ZBTB18: variants seen among roughly 807,000 people sequenced by gnomAD.
ZBTB18 encodes zinc finger and BTB domain-containing protein 18.
A neutral mutation model predicts 37.7 loss-of-function variants in ZBTB18; 2 were observed. That is an observed-to-expected ratio of 0.05 (90% CI 0.02 to 0.17). ZBTB18 has a LOEUF of 0.17. Among genes scored for constraint, ZBTB18 ranks in the 10% least tolerant of loss-of-function variants. The pLI is 1.00. For missense variants in ZBTB18, 408 were observed against 686.3 expected (o/e 0.59, Z 4.53); for synonymous variants, 304 against 276.5 (o/e 1.10, Z -0.99).
rs1698434482 is a variant in ZBTB18, at chr1:244,055,070, C to T, written c.1296C>T (p.Tyr432=). Residue 432 remains tyrosine (Y), a synonymous_variant, in exon 2 of 2, where the codon TAC becomes TAT. Coordinates refer to ENST00000358704, the MANE Select transcript of ZBTB18 (RefSeq NM_205768.3). The surrounding 1 kb of genome is among the most constrained non-coding windows in gnomAD (Gnocchi z 7.0). ...SLCGKTFSCM[Y]TLKRHERTHS... Reference sequence around the variant, plus strand: ...GTGGGAAGACTTTCTCTTGCATGTACACCCTCAAGCGCCACGAGAGGACTC... The same window carrying T: ...GTGGGAAGACTTTCTCTTGCATGTATACCCTCAAGCGCCACGAGAGGACTC... 3 of 1,614,212 alleles carry T rather than the reference C, an allele frequency of 1.9e-6. No individual in the cohort carries two copies. Among genetic ancestry groups the T allele is most frequent in the East Asian group, 4.5e-5 (2 of 44,882 alleles).
At chr1:244,051,814 A>T (rs1558148154) in intron 1 of ZBTB18, among the ~76,000 whole-genome samples, 2 of 152,178 alleles carry the variant, frequency 1.3e-5, no homozygotes, top group African/African-American at 4.8e-5. Context: ...ATTCAAACTT[A>T]TATGAGAAGA....
upstream of ZBTB18, among the ~76,000 whole-genome samples, chr1:244,048,637 C>G (rs1284385589): frequency 7.4e-6 from 1 of 135,654 alleles, no homozygotes; most frequent in African/African-American, 2.6e-5. Context: ...CGCCCCCCCC[C>G]CGCCCCCGCC....
At chr1:244,049,662 C>T (rs1287873955), upstream of ZBTB18, among the ~76,000 whole-genome samples, 5 of 152,224 alleles carry the variant, frequency 3.3e-5, no homozygotes, top group Admixed American at 1.3e-4. Flanking sequence ...CGGCTCTGCG[C>T]CCTCCACCTC....
rs372007689 is a variant in ZBTB18, at chr1:244,054,214, C to G, written c.440C>G (p.Ser147Trp). 7 of 1,613,996 alleles carry G rather than the reference C, an allele frequency of 4.3e-6. No individual in the cohort carries two copies. The highest frequency in any genetic ancestry group is 5.1e-6 in the Non-Finnish European group (6 of 1,180,028). Residue 147 changes from serine (S) to tryptophan (W), a missense_variant, in exon 2 of 2, where the codon TCG (serine) becomes TGG (tryptophan). This residue lies in a region of ZBTB18 where 95 missense variants were observed against 218.7 expected (regional missense o/e 0.43). Transcript: ENST00000358704. This position sits in a 1 kb window ranked among gnomAD's most constrained non-coding sequence, Gnocchi z 9.0. ...AAGGAAGAAGATGCTTCAAGTTGTT[C>G]GGACAAAGTCGAGAGTCTCTCCGAT... ...TKKEEDASSC[S>W]DKVESLSDGS...
chr1:244,051,149 A>T, upstream of ZBTB18: 1 of 360,908 alleles, frequency 2.8e-6, no homozygotes, highest in Middle Eastern at 6.6e-4. Flanking sequence ...AGCTGGTGGC[A>T]GGAGTGTAGA....
chr1:244,055,348 G>T lies in ZBTB18; in HGVS notation c.1574G>T (p.Ser525Ile). The T allele has an allele frequency of 6.5e-7, 1 of 1,538,864 alleles. No individual in the cohort carries two copies. The highest frequency in any genetic ancestry group is 8.8e-7 in the Non-Finnish European group (1 of 1,140,388). The change falls in exon 2 of 2, where the codon AGC (serine) becomes ATC (isoleucine). Residue 525 changes from serine to isoleucine, a missense_variant. Physicochemically the swap from Ser to Ile is moderately radical, Grantham distance 142. Coordinates refer to ENST00000358704, the MANE Select transcript of ZBTB18 (RefSeq NM_205768.3). This position sits in a 1 kb window ranked among gnomAD's most constrained non-coding sequence, Gnocchi z 7.0. ...PTVRDWTLEDSSQELWK is the reference protein window; with the variant it reads ...PTVRDWTLEDISQELWK ...GTCAGAGACTGGACCTTAGAAGATAGCTCTCAAGAACTTTGGAAATAATTT... is the reference window on the plus strand; with the variant it reads ...GTCAGAGACTGGACCTTAGAAGATATCTCTCAAGAACTTTGGAAATAATTT...
chr1:244,048,805 CGGGA>C (rs1698287176), upstream of ZBTB18: 1 of 59,570 alleles, frequency 1.7e-5, no homozygotes, highest in Non-Finnish European at 3.8e-5. Context: ...CGGGGGTGGG[CGGGA>C]GGGAGGGGCG....
At position 244,051,403 on chromosome 1, in the gene ZBTB18, G is replaced by A; in HGVS notation, c.-29G>A. On this transcript the variant is annotated 5_prime_UTR_variant, in exon 1 of 2. Coordinates refer to ENST00000358704, the MANE Select transcript of ZBTB18 (RefSeq NM_205768.3). ...GATGTAACAGACCTGGAGCCAGCAG[G>A]ACTCAGAGGAAAGGACTTAATCAGG... 1 of 1,613,946 alleles carries A rather than the reference G, an allele frequency of 6.2e-7. No individual in the cohort carries two copies. The highest frequency in any genetic ancestry group is 2.2e-5 in the East Asian group (1 of 44,886).
rs1698449007 is a variant in ZBTB18, at chr1:244,055,595, A to G, written c.*225A>G. ...AGAGAGGTGTTTTTCCTTTGAGGGG[A>G]TAGGGGAAGTAAGCCAATAAGAACC... On this transcript the variant is annotated 3_prime_UTR_variant, in exon 2 of 2. Transcript: ENST00000358704. This position sits in a 1 kb window ranked among gnomAD's most constrained non-coding sequence, Gnocchi z 7.0. 5.9e-6 allele frequency: 1 copy of G among 169,526 alleles called. No homozygotes were observed. Among genetic ancestry groups the G allele is most frequent in the Non-Finnish European group, 1.4e-5 (1 of 70,360 alleles). 10.5% of individuals were successfully genotyped at this position (169,526 alleles called of 1,614,324 possible).
Position 244,055,373 on chromosome 1 carries a change from T to A in ZBTB18, c.*3T>A, listed in dbSNP as rs757030500. Reference sequence around the variant, plus strand: ...GCTCTCAAGAACTTTGGAAATAATTTTATATATATATAAATAATATATATA... The same window carrying A: ...GCTCTCAAGAACTTTGGAAATAATTATATATATATATAAATAATATATATA... On this transcript the variant is annotated 3_prime_UTR_variant, in exon 2 of 2. Coordinates refer to ENST00000358704, the MANE Select transcript of ZBTB18 (RefSeq NM_205768.3). This position sits in a 1 kb window ranked among gnomAD's most constrained non-coding sequence, Gnocchi z 7.0. 7.8e-6 allele frequency: 8 copies of A among 1,029,924 alleles called. No homozygotes were observed. Among genetic ancestry groups the A allele is most frequent in the African/African-American group, 3.4e-5 (2 of 59,552 alleles). 63.8% of individuals were successfully genotyped at this position (1,029,924 alleles called of 1,614,324 possible). A position where few individuals can be genotyped will look rare whatever the true frequency, so the allele number is the denominator to read the frequency against.
At position 244,055,079 on chromosome 1, in the gene ZBTB18, G is replaced by A. The variant is rs575550582; in HGVS notation, c.1305G>A (p.Lys435=). ...CTTTCTCTTGCATGTACACCCTCAA[G>A]CGCCACGAGAGGACTCACTCGGGGG... ...GKTFSCMYTL[K]RHERTHSGEK... The change falls in exon 2 of 2, where the codon AAG becomes AAA. Residue 435 remains lysine, a synonymous_variant. Transcript: ENST00000358704. The surrounding 1 kb of genome is among the most constrained non-coding windows in gnomAD (Gnocchi z 7.0). The A allele has an allele frequency of 9.2e-5, 148 of 1,614,194 alleles. 1 individual carries two copies. In the South Asian group the frequency reaches 1.6e-3, roughly 17 times the overall value.
upstream of ZBTB18, chr1:244,049,042 G>T (rs1169224657): frequency 1.4e-5 from 2 of 146,718 alleles, no homozygotes; most frequent in Non-Finnish European, 3.1e-5. Context: ...CCCCCTCCGC[G>T]CCCCGGCACC....
At chr1:244,051,514 C>A in intron 1 of ZBTB18, 70 bp downstream of exon 1, 1 of 1,580,512 alleles carries the variant, frequency 6.3e-7, no homozygotes, top group Non-Finnish European at 8.7e-7. Context: ...TTTTAAAAAT[C>A]ACATTACTTT....
chr1:244,052,101 T>C (rs1698367298), intron 1 of ZBTB18, among the ~76,000 whole-genome samples: 1 of 152,238 alleles, frequency 6.6e-6, no homozygotes, highest in Non-Finnish European at 1.5e-5. Flanking sequence ...ATTTAGAACT[T>C]GTAGATTTGA....
intron 1 of ZBTB18, among the ~76,000 whole-genome samples, chr1:244,051,954 AG>A: frequency 6.6e-6 from 1 of 152,296 alleles, no homozygotes; most frequent in Admixed American, 6.5e-5. Flanking sequence ...TTTAAGAAGA[AG>A]AAAAAAAAAC....
chr1:244,048,670 C>T (rs1269463809), upstream of ZBTB18, among the ~76,000 whole-genome samples: 3 of 144,114 alleles, frequency 2.1e-5, no homozygotes, highest in African/African-American at 7.5e-5. Context: ...CCGGCGGCTC[C>T]GCGCTCGCTC....
chr1:244,051,216 A>G (rs1415760179), upstream of ZBTB18: 3 of 516,854 alleles, frequency 5.8e-6, no homozygotes, highest in East Asian at 3.2e-5. Flanking sequence ...CCATCTGAAC[A>G]TGATGTCAGA....
intron 1 of ZBTB18, among the ~76,000 whole-genome samples, chr1:244,052,244 C>A (rs1252554898): frequency 6.6e-6 from 1 of 152,232 alleles, no homozygotes; most frequent in Non-Finnish European, 1.5e-5. Flanking sequence ...CCCTCTCTGT[C>A]CTCTCAGCCT....
Position 244,055,318 on chromosome 1 carries a change from C to T in ZBTB18, c.1544C>T (p.Pro515Leu). The change falls in exon 2 of 2, where the codon CCT becomes CTT. Residue 515 changes from proline (P) to leucine (L), a missense_variant. Pro to Leu is a moderately conservative substitution (Grantham distance 98). Around this residue, in one of 4 missense-constraint regions of ZBTB18, gnomAD observed 22 missense variants for 38.3 expected, o/e 0.57. Transcript: ENST00000358704. This position sits in a 1 kb window ranked among gnomAD's most constrained non-coding sequence, Gnocchi z 7.0. Reference sequence around the variant, plus strand: ...GTCAAAAGCGAAGCACTGAGCTTGCCTACTGTCAGAGACTGGACCTTAGAA... The same window carrying T: ...GTCAAAAGCGAAGCACTGAGCTTGCTTACTGTCAGAGACTGGACCTTAGAA... ...LSVKSEALSL[P>L]TVRDWTLEDS... 6.2e-7 allele frequency: 1 copy of T among 1,612,494 alleles called. No individual in the cohort carries two copies. The highest frequency in any genetic ancestry group is 8.5e-7 in the Non-Finnish European group (1 of 1,179,324).
Sources: allele counts gnomAD v4.1 joint callset (sites outside exome capture counted in the v4.1 genomes callset), GRCh38; gene constraint gnomAD v4.1.1; regional missense constraint gnomAD v4.1.1; non-coding constraint Gnocchi (gnomAD v3.1); transcripts MANE v1.5; gene names NCBI Gene and HGNC (gene_info 2026-07-23, HGNC 2026-07-21).